ZBTB7C: variants seen among roughly 807,000 people sequenced by gnomAD.
ZBTB7C encodes the protein zinc finger and BTB domain-containing protein 7C.
Under a neutral mutation model 25.7 loss-of-function variants are expected in ZBTB7C, and 8 were observed. That is an observed-to-expected ratio of 0.31 (90% confidence interval 0.18 to 0.56). The LOEUF is 0.56. Ranked by LOEUF, ZBTB7C falls within the 20% of genes least tolerant of loss-of-function variation. The pLI, the probability that ZBTB7C is intolerant of heterozygous loss-of-function variation, is 0.91. For missense variants in ZBTB7C, 824 were observed against 855.2 expected (o/e 0.96, Z 0.46); for synonymous variants, 394 against 369.0 (o/e 1.07, Z -0.78).
At chr18:48,229,337 G>A (rs1294158484) in intron 2 of ZBTB7C, among the ~76,000 whole-genome samples, 1 of 152,094 alleles carries the variant, frequency 6.6e-6, no homozygotes, top group East Asian at 1.9e-4. Flanking sequence ...TTACCTTGAT[G>A]GATAGTTATA....
chr18:48,175,537 T>C (rs2041642376), intron 3 of ZBTB7C, among the ~76,000 whole-genome samples: 1 of 152,168 alleles, frequency 6.6e-6, no homozygotes, highest in Non-Finnish European at 1.5e-5. Context: ...AGTACATGGA[T>C]GTATAGGTGT....
intron 2 of ZBTB7C, among the ~76,000 whole-genome samples, chr18:48,262,475 A>G (rs763221299): frequency 2.3e-4 from 35 of 152,318 alleles, no homozygotes; most frequent in Non-Finnish European, 3.4e-4. Context: ...GCCTACCCAC[A>G]AGAAACTCTC....
intron 3 of ZBTB7C, among the ~76,000 whole-genome samples, chr18:48,180,691 C>T (rs2041894369): frequency 1.3e-5 from 2 of 152,138 alleles, no homozygotes; most frequent in Admixed American, 6.5e-5. Context: ...AACACTTTTA[C>T]GGGATCCATG....
At chr18:48,411,208 T>A (rs1323360325), upstream of ZBTB7C, among the ~76,000 whole-genome samples, 1 of 152,150 alleles carries the variant, frequency 6.6e-6, no homozygotes, top group East Asian at 1.9e-4. Context: ...TTGGGTACAA[T>A]TATGTCACGT....
intron 2 of ZBTB7C, among the ~76,000 whole-genome samples, chr18:48,292,648 A>G (rs1399964589): frequency 6.6e-6 from 1 of 152,210 alleles, no homozygotes; most frequent in Non-Finnish European, 1.5e-5. Context: ...GGAGGCAGAA[A>G]CTGAAAACTG....
intron 2 of ZBTB7C, among the ~76,000 whole-genome samples, chr18:48,318,311 AC>A (rs373077555): frequency 7.5e-5 from 11 of 146,874 alleles, no homozygotes; most frequent in Admixed American, 1.4e-4. Flanking sequence ...TTGGGAACCA[AC>A]CCCCCCTCAC....
rs1017399420 is a variant in ZBTB7C at position 48,213,485 on chromosome 18, G to A, written c.-78-27490C>T. 2.3e-4 allele frequency among the ~76,000 whole-genome samples: 35 copies of A among 152,146 alleles called. 1 individual carries two copies. The highest frequency in any genetic ancestry group is 6.0e-4 in the African/African-American group (25 of 41,404). On this transcript the variant is annotated intron_variant, in intron 2 of 4. Coordinates refer to ENST00000590800, the MANE Select transcript of ZBTB7C (RefSeq NM_001318841.2). The stretch of plus-strand genomic sequence containing the variant: ...CCGTCTTCAATGGTTTCTCCTGTGC[G>A]TGCTAGAGATTAAACAGCTCCTACT...
chr18:48,096,260 G>A (rs1041556469), intron 3 of ZBTB7C, among the ~76,000 whole-genome samples: 2 of 152,204 alleles, frequency 1.3e-5, no homozygotes, highest in African/African-American at 4.8e-5. Context: ...ATGCAAGCAA[G>A]AGAGGAAGAA....
chr18:48,033,912 C>T (rs2035860704), intron 4 of ZBTB7C, among the ~76,000 whole-genome samples: 2 of 152,140 alleles, frequency 1.3e-5, no homozygotes, highest in South Asian at 4.1e-4. Flanking sequence ...TTCCTGATCT[C>T]TAAAATGCGG....
chr18:48,038,965 G>A (rs375776609), intron 4 of ZBTB7C, among the ~76,000 whole-genome samples: 1 of 152,174 alleles, frequency 6.6e-6, no homozygotes, highest in African/African-American at 2.4e-5. Flanking sequence ...GCACCAATGG[G>A]CCGTATTTTC....
chr18:48,245,533 T>C (rs1207004937), intron 2 of ZBTB7C, among the ~76,000 whole-genome samples: 1 of 125,254 alleles, frequency 8.0e-6, no homozygotes, highest in African/African-American at 2.9e-5. Flanking sequence ...CTATGGTATA[T>C]ACGCTCAAGA....
intron 3 of ZBTB7C, 119 bp from the exon 4 acceptor site, chr18:48,041,242 G>A: frequency 7.0e-7 from 1 of 1,431,464 alleles, no homozygotes. Flanking sequence ...TGCAAGGCCA[G>A]TCCTCCTACC....
At chr18:48,240,977 C>A (rs1018694458) in intron 2 of ZBTB7C, among the ~76,000 whole-genome samples, 4 of 151,964 alleles carry the variant, frequency 2.6e-5, no homozygotes. Flanking sequence ...TAAGGACTCA[C>A]ATAGACTTAA....
chr18:48,213,717 T>G lies in ZBTB7C; in HGVS notation c.-78-27722A>C, dbSNP rs140345673. Among the ~76,000 whole-genome samples, 317 of 152,336 alleles carry G rather than the reference T, an allele frequency of 2.1e-3. 1 individual carries two copies. The highest frequency in any genetic ancestry group is 7.4e-3 in the African/African-American group (307 of 41,586). On this transcript the variant is annotated intron_variant, in intron 2 of 4. Coordinates refer to ENST00000590800, the MANE Select transcript of ZBTB7C (RefSeq NM_001318841.2). ...TACCTTCTTATTTGGGTACTGGTTC[T>G]GACTGTTCTGACCCCAATGCAGAGG...
At chr18:48,088,700 C>T (rs144082197) in intron 3 of ZBTB7C, among the ~76,000 whole-genome samples, 2 of 151,844 alleles carry the variant, frequency 1.3e-5, no homozygotes, top group Non-Finnish European at 2.9e-5. Context: ...TGTGGTGGTG[C>T]ATACCTGTAA....
At chr18:48,207,255 A>G (rs925610317) in intron 2 of ZBTB7C, among the ~76,000 whole-genome samples, 3 of 152,222 alleles carry the variant, frequency 2.0e-5, no homozygotes, top group African/African-American at 4.8e-5. Flanking sequence ...GTGTTAAGCA[A>G]TATCTCTTAG....
intron 2 of ZBTB7C, among the ~76,000 whole-genome samples, chr18:48,311,421 T>C (rs2045816245): frequency 1.3e-5 from 2 of 152,190 alleles, no homozygotes; most frequent in African/African-American, 4.8e-5. Flanking sequence ...TCACTCTCAA[T>C]TATGGGCAAT....
chr18:48,315,769 G>A (rs1156757161), intron 2 of ZBTB7C, among the ~76,000 whole-genome samples: 3 of 152,080 alleles, frequency 2.0e-5, no homozygotes, highest in Non-Finnish European at 2.9e-5. Flanking sequence ...TCTCTAGGCT[G>A]GTGAACTCAA....
intron 3 of ZBTB7C, among the ~76,000 whole-genome samples, chr18:48,130,712 G>A (rs1318659642): frequency 6.6e-6 from 1 of 152,118 alleles, no homozygotes; most frequent in Non-Finnish European, 1.5e-5. Flanking sequence ...AGCCAGCTGT[G>A]TGAATCTCTG....
Sources: allele counts gnomAD v4.1 joint callset (sites outside exome capture counted in the v4.1 genomes callset), GRCh38; gene constraint gnomAD v4.1.1; transcripts MANE v1.5; gene names NCBI Gene and HGNC (gene_info 2026-07-23, HGNC 2026-07-21).